SLC36A1: variants seen among roughly 807,000 people sequenced by gnomAD.
SLC36A1 encodes the protein proton-coupled amino acid transporter 1.
SLC36A1 carries 30 observed loss-of-function variants against 47.5 expected under a neutral mutation model. The ratio of observed to expected loss-of-function variants is 0.63; its 90% confidence interval spans 0.47 to 0.86. SLC36A1 has a LOEUF of 0.86. SLC36A1 is among the 40% of genes least tolerant of loss of function. The pLI is 0.00. For missense variants in SLC36A1, 517 were observed against 606.0 expected, an observed-to-expected ratio of 0.85 and a Z score of 1.54; for synonymous variants, 255 against 249.7, an observed-to-expected ratio of 1.02 and a Z score of -0.20.
At chr5:151,534,564 C>T in the SLC36A1 span, 2 of 1,614,130 alleles carry the variant, frequency 1.2e-6, no homozygotes, top group Admixed American at 1.7e-5. Context: ...CGATCGGCCA[C>T]CTCCATCCGT....
At chr5:151,387,653 G>A in the SLC36A1 span, among the ~76,000 whole-genome samples, 2 of 152,146 alleles carry the variant, frequency 1.3e-5, no homozygotes, top group African/African-American at 2.4e-5. Flanking sequence ...CAGGGCTGGA[G>A]TGTAGTGGCA....
At chr5:151,545,925 A>C in the SLC36A1 span, 4 of 1,614,152 alleles carry the variant, frequency 2.5e-6, no homozygotes, top group Non-Finnish European at 3.4e-6. Context: ...CACCTGCCAT[A>C]TTGCTGCCTC....
intron 10 of SLC36A1, among the ~76,000 whole-genome samples, chr5:151,480,759 T>G (rs1758684733): frequency 6.6e-6 from 1 of 152,230 alleles, no homozygotes; most frequent in Non-Finnish European, 1.5e-5. Context: ...ATGGAGTAGC[T>G]CTAAGTGCTT....
At chr5:151,467,536 G>A (rs1756620113) in intron 6 of SLC36A1, among the ~76,000 whole-genome samples, 171 bp from the exon 7 acceptor site, 1 of 152,052 alleles carries the variant, frequency 6.6e-6, no homozygotes, top group Admixed American at 6.5e-5. Context: ...TCAGACAATT[G>A]GGTTGCTGAT....
chr5:151,356,357 A>AAAAAAAAAAAAAAAAAAAAAAAAAAAAAC, the SLC36A1 span, among the ~76,000 whole-genome samples: 1 of 146,768 alleles, frequency 6.8e-6, no homozygotes, highest in Non-Finnish European at 1.5e-5. Context: ...AAAAAAAAAA[A>AAAAAAAAAAAAAAAAAAAAAAAAAAAAAC]AAAGAATACA....
the SLC36A1 span, among the ~76,000 whole-genome samples, chr5:151,502,132 C>T: frequency 4.7e-5 from 7 of 147,678 alleles, 1 homozygote; most frequent in East Asian, 1.9e-4. Flanking sequence ...GCCAACATGG[C>T]GAAACCCTGT....
upstream of SLC36A1, among the ~76,000 whole-genome samples, chr5:151,444,833 T>C (rs1752830493): frequency 6.6e-6 from 1 of 152,262 alleles, no homozygotes; most frequent in Admixed American, 6.5e-5. Flanking sequence ...TCATGAATTA[T>C]AACAGTATTT....
At chr5:151,354,417 A>T in the SLC36A1 span, among the ~76,000 whole-genome samples, 3 of 152,208 alleles carry the variant, frequency 2.0e-5, no homozygotes, top group East Asian at 5.8e-4. Context: ...ATTTTATCAG[A>T]TCAGTGCAGA....
chr5:151,392,049 G>A, the SLC36A1 span, among the ~76,000 whole-genome samples: 1 of 152,046 alleles, frequency 6.6e-6, no homozygotes, highest in African/African-American at 2.4e-5. Context: ...TTTTTGCTTG[G>A]TAGGCTATTA....
the SLC36A1 span, among the ~76,000 whole-genome samples, chr5:151,411,177 G>A: frequency 5.5e-5 from 8 of 144,754 alleles, 2 homozygotes; most frequent in Admixed American, 2.0e-4. Flanking sequence ...AAACCTATCC[G>A]TTGATTCTCA....
chr5:151,447,014 C>A (rs79760523), upstream of SLC36A1, among the ~76,000 whole-genome samples: 1,618 of 150,190 alleles, frequency 0.011, 61 homozygotes, highest in East Asian at 0.14. Context: ...AAACAATGAT[C>A]TTCTCTGTCT....
downstream of SLC36A1, among the ~76,000 whole-genome samples, chr5:151,495,578 A>G (rs1760315310): frequency 6.6e-6 from 1 of 152,138 alleles, no homozygotes; most frequent in South Asian, 2.1e-4. Context: ...TATCATGAGT[A>G]GCTTTGTATA....
At chr5:151,484,276 A>G (rs1212093628) in intron 10 of SLC36A1, among the ~76,000 whole-genome samples, 2 of 152,204 alleles carry the variant, frequency 1.3e-5, no homozygotes, top group Non-Finnish European at 2.9e-5. Context: ...CTCTGATAAT[A>G]AAGGCCTCCT....
the SLC36A1 span, among the ~76,000 whole-genome samples, chr5:151,538,793 C>T: frequency 6.6e-6 from 1 of 152,140 alleles, no homozygotes; most frequent in African/African-American, 2.4e-5. Context: ...TCTCCTGCCT[C>T]AGCCTCCTAG....
At chr5:151,546,839 C>A in the SLC36A1 span, among the ~76,000 whole-genome samples, 1 of 152,072 alleles carries the variant, frequency 6.6e-6, no homozygotes, top group Non-Finnish European at 1.5e-5. Context: ...CAGCCTCAGC[C>A]TCTGGTGGGA....
the SLC36A1 span, among the ~76,000 whole-genome samples, chr5:151,421,600 G>A: frequency 7.2e-6 from 1 of 138,266 alleles, no homozygotes; most frequent in South Asian, 2.4e-4. Flanking sequence ...TTTTGTTGTT[G>A]TTGTTTTAGA....
the SLC36A1 span, among the ~76,000 whole-genome samples, chr5:151,407,074 A>C: frequency 6.6e-6 from 1 of 152,210 alleles, no homozygotes; most frequent in East Asian, 1.9e-4. Flanking sequence ...GGTCTTGCTG[A>C]CTTCAGGAGT....
chr5:151,404,060 G>T, the SLC36A1 span, among the ~76,000 whole-genome samples: 1 of 152,196 alleles, frequency 6.6e-6, no homozygotes, highest in Non-Finnish European at 1.5e-5. Context: ...TGTTTTCATA[G>T]GTCTGGAAGT....
At chr5:151,421,620 A>T in the SLC36A1 span, among the ~76,000 whole-genome samples, 1 of 134,044 alleles carries the variant, frequency 7.5e-6, no homozygotes. Flanking sequence ...ATAGAGTCTC[A>T]CTCTGTCACC....
Sources: gnomAD v4.1 joint callset for allele counts (sites outside exome capture counted in the v4.1 genomes callset) on GRCh38, gnomAD v4.1.1 for gene constraint, MANE v1.5 for transcripts, NCBI Gene and HGNC (gene_info 2026-07-23, HGNC 2026-07-21) for gene names.